Variants in GNE observed in about 807,000 individuals in gnomAD.
The protein encoded by GNE is glucosamine (UDP-N-acetyl)-2-epimerase/N-acetylmannosamine kinase, also known as bifunctional UDP-N-acetylglucosamine 2-epimerase/N-acetylmannosamine kinase.
GNE carries 41 observed loss-of-function variants against 61.8 expected under a neutral mutation model. The observed-to-expected ratio is 0.66, with a 90% CI of 0.52 to 0.86. The LOEUF (loss-of-function observed/expected upper bound fraction) is 0.86, where lower values mean the gene tolerates loss of function less well. Among genes scored for constraint, GNE ranks in the 40% least tolerant of loss-of-function variants. The pLI, the probability that GNE is intolerant of heterozygous loss-of-function variation, is 0.00. For missense variants in GNE, 608 were observed against 909.1 expected (o/e 0.67, Z 4.26); for synonymous variants, 264 against 326.4 (o/e 0.81, Z 2.06).
rs200490682 is a variant in GNE, at chr9:36,217,437, C to G, written c.2097G>C (p.Ser699=). 3.1e-6 allele frequency: 5 copies of G among 1,614,094 alleles called. No individual in the cohort carries two copies. In the Middle Eastern group the frequency reaches 6.6e-4, roughly 213 times the overall value. Residue 699 remains serine (S), a synonymous_variant, in exon 12 of 12, where the codon TCG becomes TCC. Transcript: ENST00000642385. ...CCAGCAGGGCGGGGTCAACCAAATC[C>G]GAAACCACCACATCCACGTCCTGCA... is the stretch of plus-strand genomic sequence containing the variant. ...SSVQDVDVVV[S]DLVDPALLGA...
rs949150694 is a variant in GNE, at chr9:36,267,589, G to C, written c.51+9305C>G. Among the ~76,000 whole-genome samples, 8 of 152,140 alleles carry C rather than the reference G, an allele frequency of 5.3e-5. No individual in the cohort carries two copies. The South Asian group carries it at 1.7e-3, about 32-fold the overall frequency. ...CAGGTGCCTGTAATCCTAGCTACTCGGGAAGCTTATGCATGAGAATCGCTT... is the reference window on the plus strand; with the variant it reads ...CAGGTGCCTGTAATCCTAGCTACTCCGGAAGCTTATGCATGAGAATCGCTT... On this transcript the variant is annotated intron_variant, in intron 1 of 11. Transcript: ENST00000396594.
At position 36,233,904 on chromosome 9, in the gene GNE, G is replaced by A. The variant is rs1236981062; in HGVS notation, c.982+16C>T. On this transcript the variant is annotated intron_variant, in intron 5 of 11. Transcript: ENST00000642385. ...TATAAAGCCTAGTCAGTTGAAGTAT[G>A]AGCAAAGGTAAATACCTGTTTCTCT... is the stretch of plus-strand genomic sequence containing the variant. 6.3e-7 allele frequency: 1 copy of A among 1,589,262 alleles called. No homozygotes were observed.
In GNE at chr9:36,241,857, C is replaced by G. The variant is rs558043407; in HGVS notation, c.616+4174G>C. ...AGCATGAGAAGTTCCATATTAAGGC[C>G]AGGTGCGGTAGCTCATGCCTATAAT... On this transcript the variant is annotated intron_variant, in intron 3 of 11. Coordinates refer to ENST00000642385, the MANE Select transcript of GNE (RefSeq NM_005476.7). Among the ~76,000 whole-genome samples, 398 of 152,114 alleles carry G rather than the reference C, an allele frequency of 2.6e-3. 1 individual carries two copies. Among genetic ancestry groups the G allele is most frequent in the African/African-American group, 9.0e-3 (373 of 41,514 alleles).
At chr9:36,254,918 C>T (rs1741695097) in intron 1 of GNE, among the ~76,000 whole-genome samples, 1 of 151,604 alleles carries the variant, frequency 6.6e-6, no homozygotes, top group Non-Finnish European at 1.5e-5. Flanking sequence ...TGCCACTGCA[C>T]TCCAGCCTGG....
At chr9:36,236,801 G>A in intron 4 of GNE, 31 bp downstream of exon 4, 1 of 1,602,880 alleles carries the variant, frequency 6.2e-7, no homozygotes, top group Non-Finnish European at 8.5e-7. Context: ...GGAAAAGTAG[G>A]TGGCATAATT....
chr9:36,219,007 G>C (rs1587275063), intron 10 of GNE, among the ~76,000 whole-genome samples: 1 of 152,304 alleles, frequency 6.6e-6, no homozygotes, highest in East Asian at 1.9e-4. Context: ...TAATCTGCTA[G>C]AATATCTGGA....
chr9:36,233,833 T>C (rs780833237), intron 5 of GNE, 87 bp downstream of exon 5: 29 of 1,006,248 alleles, frequency 2.9e-5, no homozygotes, highest in Middle Eastern at 2.1e-4. Flanking sequence ...TCACAAAATA[T>C]ATGCTCAGTA....
At chr9:36,228,761 T>C (rs1261275191) in intron 6 of GNE, among the ~76,000 whole-genome samples, 1 of 139,232 alleles carries the variant, frequency 7.2e-6, no homozygotes, top group Non-Finnish European at 1.5e-5. Flanking sequence ...GCCACTGCAC[T>C]CTATCCTGGG....
At chr9:36,219,112 TTCTC>T (rs1828468554) in intron 10 of GNE, among the ~76,000 whole-genome samples, 1 of 152,116 alleles carries the variant, frequency 6.6e-6, no homozygotes, top group East Asian at 1.9e-4. Flanking sequence ...CTCTCACCCA[TTCTC>T]TCTGACTGCG....
chr9:36,218,390 G>A lies in GNE; in HGVS notation c.1817-91C>T. The stretch of plus-strand genomic sequence containing the variant: ...CCTGTGGAAAGCAAGCCCCTACATG[G>A]GAAGACGGTGTTTTCTTTTCACAAT... On this transcript the variant is annotated intron_variant, in intron 10 of 11. Coordinates refer to ENST00000642385, the MANE Select transcript of GNE (RefSeq NM_005476.7). This position sits in a 1 kb window ranked among gnomAD's most constrained non-coding sequence, Gnocchi z 4.1. 1 of 857,176 alleles carries A rather than the reference G, an allele frequency of 1.2e-6. No homozygotes were observed. The highest frequency in any genetic ancestry group is 2.0e-6 in the Non-Finnish European group (1 of 500,488). The allele number at this position is 857,176 out of a possible 1,614,324, so 53.1% of individuals were successfully genotyped here. A position where few individuals can be genotyped will look rare whatever the true frequency, so the allele number is the denominator to read the frequency against.
upstream of GNE, among the ~76,000 whole-genome samples, chr9:36,259,367 A>G (rs986030438): frequency 3.4e-5 from 5 of 148,266 alleles, no homozygotes; most frequent in African/African-American, 1.3e-4. Context: ...CTTTGAATGA[A>G]GTTGATGATA....
intron 4 of GNE, among the ~76,000 whole-genome samples, chr9:36,236,184 T>A (rs2133075531): frequency 1.3e-5 from 2 of 152,278 alleles, no homozygotes; most frequent in African/African-American, 4.8e-5. Flanking sequence ...TCACTACTTT[T>A]CTAGAGATTC....
At chr9:36,269,027 G>A (rs1830913891) in intron 1 of GNE, among the ~76,000 whole-genome samples, 1 of 151,808 alleles carries the variant, frequency 6.6e-6, no homozygotes, top group African/African-American at 2.4e-5. Flanking sequence ...CTACTTGGGA[G>A]GCTGAGACAG....
chr9:36,261,118 C>A (rs1183742631), upstream of GNE, among the ~76,000 whole-genome samples: 1 of 152,024 alleles, frequency 6.6e-6, no homozygotes, highest in Non-Finnish European at 1.5e-5. Context: ...GACTCTACTG[C>A]CTTCCTCTCT....
chr9:36,230,458 T>A (rs1388389746), intron 5 of GNE, among the ~76,000 whole-genome samples: 1 of 151,830 alleles, frequency 6.6e-6, no homozygotes, highest in Non-Finnish European at 1.5e-5. Context: ...TCTGCCCTAT[T>A]TACAAGTCTT....
chr9:36,250,672 C>G (rs1830077306), intron 1 of GNE, among the ~76,000 whole-genome samples: 1 of 152,098 alleles, frequency 6.6e-6, no homozygotes, highest in African/African-American at 2.4e-5. Context: ...TGCCTGTCTC[C>G]TATAAACTTT....
chr9:36,253,481 T>C (rs1445014846), intron 1 of GNE, among the ~76,000 whole-genome samples: 1 of 151,244 alleles, frequency 6.6e-6, no homozygotes, highest in Non-Finnish European at 1.5e-5. Context: ...TTTCACCATG[T>C]TGTCCAGGCC....
rs615108 is a variant in GNE at position 36,218,021 on chromosome 9, C to G, written c.1933+162G>C. ...GGCAATGCTGCCAAATACCTTGAAT[C>G]CAATTCCCTTTTTACCTCTGAGTAA... On this transcript the variant is annotated intron_variant, in intron 11 of 11. Transcript: ENST00000642385. This position sits in a 1 kb window ranked among gnomAD's most constrained non-coding sequence, Gnocchi z 4.1. Among the ~76,000 whole-genome samples, 121,793 of 152,178 alleles carry G rather than the reference C, an allele frequency of 0.8. 49,329 individuals carry two copies. The highest frequency in any genetic ancestry group is 0.87 in the African/African-American group (35,999 of 41,540).
chr9:36,229,161 G>T, intron 5 of GNE, 53 bp from the exon 6 acceptor site: 6 of 977,680 alleles, frequency 6.1e-6, no homozygotes, highest in South Asian at 1.3e-5. Flanking sequence ...AATATCCAAA[G>T]AATAAAGAAA....
Sources: gnomAD v4.1 joint callset for allele counts (sites outside exome capture counted in the v4.1 genomes callset) on GRCh38, gnomAD v4.1.1 for gene constraint, Gnocchi (gnomAD v3.1) non-coding constraint, MANE v1.5 for transcripts, NCBI Gene and HGNC (gene_info 2026-07-23, HGNC 2026-07-21) for gene names.